Variants in RPIA observed in about 807,000 individuals in gnomAD.
RPIA encodes the protein ribose-5-phosphate isomerase.
A neutral mutation model predicts 37.8 loss-of-function variants in RPIA; 29 were observed. That is an observed-to-expected ratio of 0.77 (90% confidence interval 0.57 to 1.05). The LOEUF is 1.05. Among genes scored for constraint, RPIA ranks in the 50% least tolerant of loss-of-function variants. The pLI is 0.00. For synonymous variants in RPIA, 167 were observed against 157.0 expected, an observed-to-expected ratio of 1.06 and a Z score of -0.48; for missense variants, 385 against 413.6, an observed-to-expected ratio of 0.93 and a Z score of 0.60.
chr2:88,701,080 T>G (rs1672826175), intron 3 of RPIA, among the ~76,000 whole-genome samples: 1 of 152,168 alleles, frequency 6.6e-6, no homozygotes, highest in Non-Finnish European at 1.5e-5. Flanking sequence ...TAAACCAGAC[T>G]GGCCTCAGCT....
chr2:88,707,434 C>T (rs1672911310), intron 3 of RPIA, among the ~76,000 whole-genome samples: 1 of 152,072 alleles, frequency 6.6e-6, no homozygotes, highest in South Asian at 2.1e-4. Context: ...ATGTTGTTGC[C>T]ATTGAGCATT....
At chr2:88,740,035 C>T (rs1673363702) in intron 8 of RPIA, among the ~76,000 whole-genome samples, 1 of 152,130 alleles carries the variant, frequency 6.6e-6, no homozygotes, top group Admixed American at 6.5e-5. Flanking sequence ...AGTGGAAGAA[C>T]TAAACAGCCA....
intron 3 of RPIA, among the ~76,000 whole-genome samples, chr2:88,714,818 T>C (rs1184135598): frequency 2.0e-5 from 3 of 152,220 alleles, no homozygotes; most frequent in East Asian, 3.8e-4. Flanking sequence ...GACTTGTTTG[T>C]CAGCCACCGA....
intron 3 of RPIA, among the ~76,000 whole-genome samples, chr2:88,720,414 T>C (rs1443255494): frequency 6.6e-6 from 1 of 151,986 alleles, no homozygotes; most frequent in Non-Finnish European, 1.5e-5. Context: ...TAAGAAATTA[T>C]TGTTAGCATC....
chr2:88,693,679 T>G (rs59393911), intron 1 of RPIA, among the ~76,000 whole-genome samples: 9,396 of 152,328 alleles, frequency 0.062, 515 homozygotes, highest in African/African-American at 0.14. Flanking sequence ...TGTTCAATTG[T>G]GTGCAGTGTG....
At chr2:88,739,870 A>G (rs1034211170) in intron 8 of RPIA, among the ~76,000 whole-genome samples, 4 of 152,282 alleles carry the variant, frequency 2.6e-5, no homozygotes, top group African/African-American at 7.2e-5. Context: ...TGGCCTCCCA[A>G]AGTGCCAGGA....
intron 3 of RPIA, among the ~76,000 whole-genome samples, chr2:88,711,124 G>T (rs138629876): frequency 7.9e-4 from 121 of 152,288 alleles, no homozygotes; most frequent in African/African-American, 2.9e-3. Flanking sequence ...AATACCTGAG[G>T]TCCGGGCTGG....
Position 88,734,757 on chromosome 2 carries a change from T to G in RPIA, c.527+141T>G, listed in dbSNP as rs932519495. The stretch of plus-strand genomic sequence containing the variant: ...CCTAGGATATTGATAGCATATGGCC[T>G]TAGACCCAACTCAGCATTTCTGGTC... On this transcript the variant is annotated intron_variant, in intron 5 of 8. Coordinates refer to ENST00000283646, the MANE Select transcript of RPIA (RefSeq NM_144563.3). 3.4e-6 allele frequency: 3 copies of G among 892,742 alleles called. No individual in the cohort carries two copies. The African/African-American group carries it at 4.9e-5, about 15-fold the overall frequency. 55.3% of individuals were successfully genotyped at this position (892,742 alleles called of 1,614,324 possible). A position where few individuals can be genotyped will look rare whatever the true frequency, so the allele number is the denominator to read the frequency against.
At position 88,702,485 on chromosome 2, in the gene RPIA, T is replaced by A. The variant is rs375040703; in HGVS notation, c.402+2421T>A. ...AGAAAGCAAGGAGGAACAAGTCTCGTTTTACGTGGATGGCAGCAGACAAAG... is the reference window on the plus strand; with the variant it reads ...AGAAAGCAAGGAGGAACAAGTCTCGATTTACGTGGATGGCAGCAGACAAAG... On this transcript the variant is annotated intron_variant, in intron 3 of 8. Coordinates refer to ENST00000283646, the MANE Select transcript of RPIA (RefSeq NM_144563.3). Among the ~76,000 whole-genome samples the A allele has an allele frequency of 3.1e-4, 42 of 134,038 alleles. No homozygotes were observed. In the East Asian group the frequency reaches 3.7e-3, roughly 12 times the overall value. The allele number at this position is 134,038 out of a possible 152,430, so 87.9% of individuals were successfully genotyped here.
chr2:88,719,301 T>TA (rs1268872426), intron 3 of RPIA, among the ~76,000 whole-genome samples: 1 of 152,314 alleles, frequency 6.6e-6, no homozygotes, highest in South Asian at 2.1e-4. Flanking sequence ...CATTAAGTCA[T>TA]ATCAGAATTA....
At chr2:88,734,406 G>T in intron 4 of RPIA, 146 bp from the exon 5 acceptor site, 1 of 768,428 alleles carries the variant, frequency 1.3e-6, no homozygotes, top group Non-Finnish European at 2.3e-6. Context: ...TTAACCTCTT[G>T]TAGCTCAATT....
intron 3 of RPIA, among the ~76,000 whole-genome samples, chr2:88,706,684 G>A (rs1672902107): frequency 6.6e-6 from 1 of 151,004 alleles, no homozygotes; most frequent in Non-Finnish European, 1.5e-5. Flanking sequence ...ACCTGCACAT[G>A]TATCCTGGAA....
intron 3 of RPIA, among the ~76,000 whole-genome samples, chr2:88,711,674 A>T (rs1672963537): frequency 6.6e-6 from 1 of 152,198 alleles, no homozygotes; most frequent in African/African-American, 2.4e-5. Context: ...CAGAATGTAG[A>T]TTTTTTTCCC....
intron 3 of RPIA, among the ~76,000 whole-genome samples, chr2:88,701,250 CTT>C (rs566674003): frequency 5.0e-4 from 70 of 141,402 alleles, no homozygotes; most frequent in African/African-American, 6.5e-4. Context: ...TTTTATATAG[CTT>C]TTTTTTTTTT....
At chr2:88,692,126 C>T in intron 1 of RPIA, 143 bp downstream of exon 1, 1 of 1,010,788 alleles carries the variant, frequency 9.9e-7, no homozygotes, top group East Asian at 2.6e-5. Flanking sequence ...GCACTTTACC[C>T]GAGTTTAGAC....
chr2:88,739,373 A>G (rs926606878), intron 8 of RPIA, among the ~76,000 whole-genome samples: 1 of 152,116 alleles, frequency 6.6e-6, no homozygotes, highest in African/African-American at 2.4e-5. Context: ...GTTTCTTCCT[A>G]TGTAGAAGGG....
At chr2:88,695,892 G>C (rs779864589) in intron 1 of RPIA, among the ~76,000 whole-genome samples, 1 of 151,840 alleles carries the variant, frequency 6.6e-6, no homozygotes, top group Non-Finnish European at 1.5e-5. Flanking sequence ...AGCATTTTTA[G>C]TATATATGTA....
intron 1 of RPIA, among the ~76,000 whole-genome samples, chr2:88,693,889 G>A (rs1029944788): frequency 6.6e-6 from 1 of 152,240 alleles, no homozygotes; most frequent in Non-Finnish European, 1.5e-5. Context: ...TTCTGTGGGT[G>A]TAGCCACCCA....
intron 3 of RPIA, among the ~76,000 whole-genome samples, chr2:88,726,911 G>A (rs1209520464): frequency 2.0e-5 from 3 of 152,078 alleles, no homozygotes; most frequent in East Asian, 1.9e-4. Flanking sequence ...GCTAATTTTT[G>A]TATTTTTAGT....
Sources: allele counts gnomAD v4.1 joint callset (sites outside exome capture counted in the v4.1 genomes callset), GRCh38; gene constraint gnomAD v4.1.1; transcripts MANE v1.5; gene names NCBI Gene and HGNC (gene_info 2026-07-23, HGNC 2026-07-21).